NOS1: variants seen among roughly 807,000 people sequenced by gnomAD.
NOS1 encodes NOS type I.
NOS1 carries 51 observed loss-of-function variants against 164.5 expected under a neutral mutation model. That is an observed-to-expected ratio of 0.31 (90% CI 0.25 to 0.39). The LOEUF (loss-of-function observed/expected upper bound fraction) is 0.39, where lower values mean the gene tolerates loss of function less well. NOS1 is among the 10% of genes least tolerant of loss of function. The pLI, the probability that NOS1 is intolerant of heterozygous loss-of-function variation, is 1.00. For missense variants in NOS1, 1,362 were observed against 1,885.6 expected, an observed-to-expected ratio of 0.72 and a Z score of 5.14; for synonymous variants, 719 against 745.8, an observed-to-expected ratio of 0.96 and a Z score of 0.59.
In NOS1 at chr12:117,324,259, T is replaced by G. The variant is rs12321917; in HGVS notation, c.725+6086A>C. On this transcript the variant is annotated intron_variant, in intron 2 of 28. Coordinates refer to ENST00000317775, the MANE Select transcript of NOS1 (RefSeq NM_000620.5). ...AGAATTCAGACACTCTCGGAAGAGG[T>G]TGACAACTATTTGTAAGTGACCAAG... 6.6e-5 allele frequency among the ~76,000 whole-genome samples: 10 copies of G among 151,930 alleles called. No homozygotes were observed. In the South Asian group the frequency reaches 1.2e-3, roughly 19 times the overall value.
intron 21 of NOS1, among the ~76,000 whole-genome samples, chr12:117,232,431 G>C (rs9658491): frequency 0.019 from 2,934 of 152,286 alleles, 92 homozygotes; most frequent in African/African-American, 0.067. Flanking sequence ...CCCCAGCTGT[G>C]CGTGACAGAG....
At chr12:117,278,368 A>C (rs1018256631) in intron 8 of NOS1, among the ~76,000 whole-genome samples, 1 of 152,190 alleles carries the variant, frequency 6.6e-6, no homozygotes, top group Non-Finnish European at 1.5e-5. Context: ...AGTAACTAGC[A>C]TGAGTTCTCA....
chr12:117,352,961 C>T (rs941569335), intron 1 of NOS1, among the ~76,000 whole-genome samples: 6 of 152,132 alleles, frequency 3.9e-5, no homozygotes, highest in African/African-American at 1.4e-4. Context: ...AATTCAACAG[C>T]TATTAGCATT....
chr12:117,357,584 AG>A (rs542020451), intron 1 of NOS1, among the ~76,000 whole-genome samples: 141 of 152,276 alleles, frequency 9.3e-4, no homozygotes, highest in Non-Finnish European at 1.4e-3. Flanking sequence ...TCTGGGCCTC[AG>A]TTTCCCAATT....
intron 5 of NOS1, among the ~76,000 whole-genome samples, chr12:117,287,569 G>A (rs1872792914): frequency 6.6e-6 from 1 of 152,026 alleles, no homozygotes; most frequent in Non-Finnish European, 1.5e-5. Flanking sequence ...ATCCCAAGTA[G>A]CTAGGATTAT....
chr12:117,210,147 T>A lies in NOS1; in HGVS notation c.*5162A>T. On this transcript the variant is annotated 3_prime_UTR_variant, in exon 29 of 29. Transcript: ENST00000317775. Reference sequence around the variant, plus strand: ...GCCATCATGCCCAGCTAATTTTTTTTTTTTTTTTTTTTTAGTAGAGACGAG... The same window carrying A: ...GCCATCATGCCCAGCTAATTTTTTTATTTTTTTTTTTTTAGTAGAGACGAG... The A allele has an allele frequency of 5.6e-6, 3 of 533,988 alleles. No individual in the cohort carries two copies. Among genetic ancestry groups the A allele is most frequent in the Non-Finnish European group, 7.2e-6 (3 of 417,408 alleles). The allele number at this position is 533,988 out of a possible 1,614,324, so 33.1% of individuals were successfully genotyped here. A position where few individuals can be genotyped will look rare whatever the true frequency, so the allele number is the denominator to read the frequency against.
chr12:117,346,600 A>G (rs1385333894), intron 1 of NOS1, among the ~76,000 whole-genome samples: 1 of 152,218 alleles, frequency 6.6e-6, no homozygotes, highest in Non-Finnish European at 1.5e-5. Flanking sequence ...AGCGTGGTCC[A>G]TGCACCAGCA....
intron 1 of NOS1, among the ~76,000 whole-genome samples, chr12:117,333,542 TG>T (rs999987902): frequency 6.6e-6 from 1 of 151,962 alleles, no homozygotes; most frequent in African/African-American, 2.4e-5. Flanking sequence ...GGGGGGTGTG[TG>T]GGGGGGATAA....
At chr12:117,354,491 C>T (rs928470752) in intron 1 of NOS1, among the ~76,000 whole-genome samples, 20 of 152,150 alleles carry the variant, frequency 1.3e-4, no homozygotes, top group African/African-American at 4.6e-4. Context: ...ATTTTTCTTA[C>T]TGAGTATTCC....
chr12:117,241,223 C>T (rs574255139), intron 20 of NOS1, among the ~76,000 whole-genome samples: 1 of 152,082 alleles, frequency 6.6e-6, no homozygotes, highest in Non-Finnish European at 1.5e-5. Context: ...CAGGTGTGAG[C>T]CACCGTGCCT....
chr12:117,305,017 C>T (rs1188664811), intron 3 of NOS1: 1 of 985,268 alleles, frequency 1.0e-6, no homozygotes, highest in South Asian at 4.7e-5. Context: ...AGTTGCTTTG[C>T]TGCCCTGCCC....
At chr12:117,258,222 G>C (rs1452362240) in intron 16 of NOS1, among the ~76,000 whole-genome samples, 175 bp downstream of exon 16, 1 of 152,156 alleles carries the variant, frequency 6.6e-6, no homozygotes, top group African/African-American at 2.4e-5. Context: ...AAGTGACCCA[G>C]ATACCAAAAT....
Position 117,285,221 on chromosome 12 carries a change from TGCC to T in NOS1, c.1382+17_1382+19del. The T allele has an allele frequency of 6.3e-7, 1 of 1,588,506 alleles. No homozygotes were observed. The highest frequency in any genetic ancestry group is 1.7e-4 in the Middle Eastern group (1 of 5,984). On this transcript the variant is annotated intron_variant, in intron 7 of 28. Transcript: ENST00000317775. ...GGACTTTTGACCTCCTGCTCCCCAG[TGCC>T]CAGCTGGTCAGCTCACCTGAGGTTC...
intron 9 of NOS1, among the ~76,000 whole-genome samples, chr12:117,275,487 C>T (rs771030820): frequency 2.7e-4 from 41 of 151,978 alleles, no homozygotes; most frequent in Non-Finnish European, 4.4e-4. Context: ...ACAGAGGATG[C>T]TGGAGGCTGG....
intron 15 of NOS1, 62 bp from the exon 16 acceptor site, chr12:117,258,517 T>C (rs1592958750): frequency 6.5e-7 from 1 of 1,548,870 alleles, no homozygotes; most frequent in Admixed American, 1.7e-5. Context: ...TCAGGTCGGA[T>C]ACTGAGGGTC....
intron 13 of NOS1, among the ~76,000 whole-genome samples, chr12:117,260,877 C>T (rs534533361): frequency 1.3e-5 from 2 of 152,004 alleles, no homozygotes; most frequent in Admixed American, 1.3e-4. Context: ...TTTATTAAAT[C>T]CCACCAGAGG....
intron 2 of NOS1, among the ~76,000 whole-genome samples, chr12:117,315,020 C>T (rs1373191547): frequency 6.6e-6 from 1 of 152,146 alleles, no homozygotes; most frequent in Non-Finnish European, 1.5e-5. Flanking sequence ...GCTACAATTA[C>T]CTAGGCAACT....
intron 14 of NOS1, among the ~76,000 whole-genome samples, chr12:117,259,850 T>C (rs1037847757): frequency 4.0e-5 from 6 of 151,654 alleles, no homozygotes; most frequent in African/African-American, 1.5e-4. Flanking sequence ...CCGGGTGCGG[T>C]GGCTCACGCC....
At chr12:117,350,612 C>G (rs79410256) in intron 1 of NOS1, among the ~76,000 whole-genome samples, 3,854 of 152,286 alleles carry the variant, frequency 0.025, 74 homozygotes, top group African/African-American at 0.048. Flanking sequence ...TGTCCTGGAT[C>G]CAGGAAGCAA....
Sources: gnomAD v4.1 joint callset for allele counts (sites outside exome capture counted in the v4.1 genomes callset) on GRCh38, gnomAD v4.1.1 for gene constraint, MANE v1.5 for transcripts, NCBI Gene and HGNC (gene_info 2026-07-23, HGNC 2026-07-21) for gene names.